Variants in S100PBP observed in about 807,000 individuals in gnomAD.
S100PBP encodes S100P binding protein.
S100PBP carries 15 observed loss-of-function variants against 39.9 expected under a neutral mutation model. The observed-to-expected ratio is 0.38, with a 90% CI of 0.25 to 0.58. S100PBP has a LOEUF of 0.58. Ranked by LOEUF, S100PBP falls within the 20% of genes least tolerant of loss-of-function variation. S100PBP has a pLI of 0.70. For missense variants in S100PBP, 504 were observed against 487.3 expected (o/e 1.03, Z -0.32); for synonymous variants, 178 against 180.3 (o/e 0.99, Z 0.10).
intron 5 of S100PBP, 136 bp downstream of exon 5, chr1:32,830,203 T>A: frequency 1.5e-6 from 1 of 648,352 alleles, no homozygotes; most frequent in Non-Finnish European, 2.7e-6. Context: ...TTAAAAGATT[T>A]TCACTTAAAA....
chr1:32,823,313 C>CA lies in S100PBP; in HGVS notation c.-119-1999dup, dbSNP rs1441550055. On this transcript the variant is annotated intron_variant, in intron 1 of 6. Transcript: ENST00000373475. Reference sequence around the variant, plus strand: ...TTTTCTTAAGTCAAAGAATGTTTTCCATACTAAACTTTTTTTTCTAACTGC... The same window carrying CA: ...TTTTCTTAAGTCAAAGAATGTTTTCCAATACTAAACTTTTTTTTCTAACTGC... Among the ~76,000 whole-genome samples the CA allele has an allele frequency of 3.9e-5, 6 of 152,272 alleles. No homozygotes were observed. In the South Asian group the frequency reaches 1.0e-3, roughly 26 times the overall value.
chr1:32,827,834 T>C (rs1303880092), intron 3 of S100PBP, among the ~76,000 whole-genome samples, 159 bp from the exon 4 acceptor site: 1 of 150,714 alleles, frequency 6.6e-6, no homozygotes, highest in Non-Finnish European at 1.5e-5. Context: ...ATTACAGTTA[T>C]CTCATTTGAA....
At chr1:32,846,280 C>T (rs1480896513) in intron 5 of S100PBP, among the ~76,000 whole-genome samples, 1 of 151,950 alleles carries the variant, frequency 6.6e-6, no homozygotes, top group African/African-American at 2.4e-5. Context: ...TGAGCCACCA[C>T]GCCTGCCCTC....
intron 1 of S100PBP, 82 bp downstream of exon 1, chr1:32,817,771 G>T (rs1015951002): frequency 2.7e-5 from 5 of 184,084 alleles, no homozygotes; most frequent in African/African-American, 9.4e-5. Flanking sequence ...CCAGGGGGTT[G>T]CGCACGCCGT....
upstream of S100PBP, chr1:32,816,954 C>T (rs2148620606): frequency 4.9e-6 from 3 of 608,922 alleles, no homozygotes; most frequent in East Asian, 8.3e-5. Flanking sequence ...CAAAGTTTGG[C>T]TCCAACACAA....
At chr1:32,817,314 G>T (rs1638778566), upstream of S100PBP, 1 of 1,592,208 alleles carries the variant, frequency 6.3e-7, no homozygotes, top group African/African-American at 1.3e-5. Context: ...CGTCGCCGCC[G>T]CGTGCCGGGA....
intron 1 of S100PBP, among the ~76,000 whole-genome samples, chr1:32,819,592 G>A (rs1189055204): frequency 3.9e-5 from 6 of 152,024 alleles, no homozygotes; most frequent in South Asian, 2.1e-4. Flanking sequence ...AAAAAATAAA[G>A]GGGTCCCCAT....
intron 5 of S100PBP, among the ~76,000 whole-genome samples, chr1:32,843,551 T>A (rs1202492198): frequency 6.6e-6 from 1 of 152,034 alleles, no homozygotes; most frequent in African/African-American, 2.4e-5. Flanking sequence ...CCGCCTTCCA[T>A]GTTCAAGCGA....
Position 32,842,438 on chromosome 1 carries a change from C to T in S100PBP, c.1025-10641C>T, listed in dbSNP as rs534796666. 7.9e-5 allele frequency among the ~76,000 whole-genome samples: 12 copies of T among 151,736 alleles called. No individual in the cohort carries two copies. The South Asian group carries it at 2.5e-3, about 32-fold the overall frequency. Reference sequence around the variant, plus strand: ...GGAAAAAAAAGACTAATGTGTTCCACTAGTGTTCTTATTTTTCAGTTGTGT... The same window carrying T: ...GGAAAAAAAAGACTAATGTGTTCCATTAGTGTTCTTATTTTTCAGTTGTGT... On this transcript the variant is annotated intron_variant, in intron 5 of 6. Coordinates refer to ENST00000373475, the MANE Select transcript of S100PBP (RefSeq NM_022753.4).
At position 32,823,247 on chromosome 1, in the gene S100PBP, T is replaced by C. The variant is rs923139198; in HGVS notation, c.-119-2066T>C. 2.2e-4 allele frequency among the ~76,000 whole-genome samples: 27 copies of C among 122,124 alleles called. No individual in the cohort carries two copies. The Admixed American group carries it at 2.5e-3, about 11-fold the overall frequency. 80.1% of individuals were successfully genotyped at this position (122,124 alleles called of 152,430 possible). A position where few individuals can be genotyped will look rare whatever the true frequency, so the allele number is the denominator to read the frequency against. ...AAGGGCATCTAAGAAATGTAGCTGC[T>C]TAACCCCAGTGCCTGTGATAACCTG... On this transcript the variant is annotated intron_variant, in intron 1 of 6. Transcript: ENST00000373475.
intron 5 of S100PBP, among the ~76,000 whole-genome samples, chr1:32,834,695 A>G (rs1639741474): frequency 6.6e-6 from 1 of 152,050 alleles, no homozygotes; most frequent in South Asian, 2.1e-4. Context: ...AAGTACATTT[A>G]CCCCTTTTTA....
In S100PBP at chr1:32,826,715, G is replaced by T; in HGVS notation, c.616G>T (p.Ala206Ser). 2.5e-6 allele frequency: 4 copies of T among 1,614,126 alleles called. No individual in the cohort carries two copies. The highest frequency in any genetic ancestry group is 2.5e-6 in the Non-Finnish European group (3 of 1,180,006). The change falls in exon 3 of 7, where the codon GCC becomes TCC. Residue 206 changes from alanine (A) to serine (S), a missense_variant. Physicochemically the swap from Ala to Ser is moderately conservative, Grantham distance 99 (BLOSUM62 1). Coordinates refer to ENST00000373475, the MANE Select transcript of S100PBP (RefSeq NM_022753.4). Reference sequence around the variant, plus strand: ...TGAAGGGATCAGCCCCAATAACTCTGCCTGGAATGGGCCCCAGCTCTCTTC... The same window carrying T: ...TGAAGGGATCAGCCCCAATAACTCTTCCTGGAATGGGCCCCAGCTCTCTTC... ...ESEGISPNNS[A>S]WNGPQLSSSN...
At chr1:32,849,278 T>C (rs12027258) in intron 5 of S100PBP, among the ~76,000 whole-genome samples, 20,849 of 152,038 alleles carry the variant, frequency 0.14, 1,777 homozygotes, top group South Asian at 0.23. Context: ...CTGGAGTCGA[T>C]GGGACTACAG....
chr1:32,818,733 G>C (rs1234756106), intron 1 of S100PBP: 1 of 152,186 alleles, frequency 6.6e-6, no homozygotes, highest in African/African-American at 2.4e-5. Context: ...TAGTTACTTC[G>C]AAGGAATTTG....
At chr1:32,842,234 TATACACACACAC>T (rs149186340) in intron 5 of S100PBP, among the ~76,000 whole-genome samples, 15,382 of 91,476 alleles carry the variant, frequency 0.17, 1,193 homozygotes, top group East Asian at 0.26. Context: ...TATATATATA[TATACACACACAC>T]ACACACACAC....
chr1:32,819,915 C>T (rs1348122616), intron 1 of S100PBP, among the ~76,000 whole-genome samples: 5 of 152,098 alleles, frequency 3.3e-5, no homozygotes, highest in African/African-American at 1.2e-4. Context: ...AGTTCAGAGA[C>T]TTGAAGTGAA....
intron 6 of S100PBP, among the ~76,000 whole-genome samples, chr1:32,853,757 C>T (rs1002385896): frequency 4.6e-5 from 7 of 151,960 alleles, no homozygotes; most frequent in African/African-American, 1.7e-4. Flanking sequence ...CTTAACTGGG[C>T]ATGGTGGTGT....
Position 32,856,233 on chromosome 1 carries a change from T to TTG in S100PBP, c.*207_*208dup, listed in dbSNP as rs369425291. 9.7e-5 allele frequency: 42 copies of TTG among 432,696 alleles called. No homozygotes were observed. Among genetic ancestry groups the TTG allele is most frequent in the African/African-American group, 6.5e-4 (32 of 49,474 alleles). 26.8% of individuals were successfully genotyped at this position (432,696 alleles called of 1,614,324 possible). ...TTTTTGTATGAAGTCCCTCCTGATT[T>TTG]TGTGTGTGTGTGTCTGTGTTTAAGC... is the stretch of plus-strand genomic sequence containing the variant. On this transcript the variant is annotated 3_prime_UTR_variant, in exon 7 of 7. Coordinates refer to ENST00000373475, the MANE Select transcript of S100PBP (RefSeq NM_022753.4).
At chr1:32,824,641 C>T (rs1444303369) in intron 1 of S100PBP, among the ~76,000 whole-genome samples, 1 of 151,392 alleles carries the variant, frequency 6.6e-6, no homozygotes, top group Non-Finnish European at 1.5e-5. Flanking sequence ...CTGCTCTCTG[C>T]AGCCTTGACC....
Sources: gnomAD v4.1 joint callset for allele counts (sites outside exome capture counted in the v4.1 genomes callset) on GRCh38, gnomAD v4.1.1 for gene constraint, MANE v1.5 for transcripts, NCBI Gene and HGNC (gene_info 2026-07-23, HGNC 2026-07-21) for gene names.